Variants in SGK3 observed in about 807,000 individuals in gnomAD.
SGK3 encodes serum/glucocorticoid regulated kinase family member 3, also known as serine/threonine-protein kinase Sgk3.
In SGK3, 47 loss-of-function variants were observed where a neutral mutation model predicts 68.5. The ratio of observed to expected loss-of-function variants is 0.69; its 90% CI spans 0.54 to 0.87. The LOEUF (loss-of-function observed/expected upper bound fraction) is 0.87, where lower values mean the gene tolerates loss of function less well. Ranked by LOEUF, SGK3 falls within the 40% of genes least tolerant of loss-of-function variation. The pLI, the probability that SGK3 is intolerant of heterozygous loss-of-function variation, is 0.00. For synonymous variants in SGK3, 181 were observed against 189.1 expected, an observed-to-expected ratio of 0.96 and a Z score of 0.35; for missense variants, 479 against 575.5, an observed-to-expected ratio of 0.83 and a Z score of 1.72.
At position 66,793,832 on chromosome 8, in the gene SGK3, TGTAA is replaced by T. The variant is rs1263528793; in HGVS notation, c.96+4_96+7del. ...ACAGAGAGAAAAAGAAGAGGTTTACTGTAAGTATTTAACATAAAGCATGTGGGAA... is the reference window on the plus strand; with the variant it reads ...ACAGAGAGAAAAAGAAGAGGTTTACTGTATTTAACATAAAGCATGTGGGAA... On this transcript the variant is annotated splice_donor_variant and splice_donor_region_variant and intron_variant, in intron 2 of 16. Transcript: ENST00000521198. LOFTEE classifies it high-confidence loss of function. 6.2e-7 allele frequency: 1 copy of T among 1,611,182 alleles called. No homozygotes were observed. Among genetic ancestry groups the T allele is most frequent in the Admixed American group, 1.7e-5 (1 of 59,906 alleles).
intron 1 of SGK3, among the ~76,000 whole-genome samples, chr8:66,782,539 C>G (rs889754077): frequency 6.6e-6 from 1 of 152,160 alleles, no homozygotes; most frequent in Non-Finnish European, 1.5e-5. Context: ...GTTGTACATT[C>G]TGTGGGTTTG....
At chr8:66,778,051 C>T (rs1017865088) in intron 1 of SGK3, 1 of 152,330 alleles carries the variant, frequency 6.6e-6, no homozygotes, top group Non-Finnish European at 1.5e-5. Context: ...CAAACCCCCC[C>T]TCACATGCGG....
At chr8:66,730,844 AT>A (rs113173320) in intron 1 of SGK3, among the ~76,000 whole-genome samples, 20,038 of 143,782 alleles carry the variant, frequency 0.14, 2,426 homozygotes, top group African/African-American at 0.34. Flanking sequence ...AGCCTGGCTA[AT>A]TTTTTTTTTT....
intron 1 of SGK3, chr8:66,767,714 C>T: frequency 6.7e-7 from 1 of 1,496,232 alleles, no homozygotes; most frequent in Non-Finnish European, 9.3e-7. Flanking sequence ...TTTGCTTTAA[C>T]AGTCTTCTCA....
chr8:66,719,743 A>G (rs1029368798), intron 1 of SGK3, among the ~76,000 whole-genome samples: 1 of 152,220 alleles, frequency 6.6e-6, no homozygotes, highest in Non-Finnish European at 1.5e-5. Context: ...TTGCTGACAT[A>G]TATACCATTT....
intron 10 of SGK3, among the ~76,000 whole-genome samples, chr8:66,839,207 G>A (rs2130717945): frequency 6.6e-6 from 1 of 151,960 alleles, no homozygotes; most frequent in South Asian, 2.1e-4. Flanking sequence ...TAGAAGCCAA[G>A]GGACCCAGTG....
At chr8:66,754,541 G>A (rs571469864) in intron 1 of SGK3, among the ~76,000 whole-genome samples, 17 of 152,294 alleles carry the variant, frequency 1.1e-4, no homozygotes, top group Non-Finnish European at 2.5e-4. Flanking sequence ...TGGAATATCT[G>A]CATATACATG....
chr8:66,718,728 A>G (rs1006198525), intron 1 of SGK3, among the ~76,000 whole-genome samples: 2 of 151,964 alleles, frequency 1.3e-5, no homozygotes, highest in Non-Finnish European at 2.9e-5. Context: ...GGGTTTCTCC[A>G]GGTTGGTCAG....
chr8:66,839,495 G>T (rs1401288014), intron 10 of SGK3, among the ~76,000 whole-genome samples: 1 of 44,952 alleles, frequency 2.2e-5, no homozygotes, highest in South Asian at 8.4e-4. Context: ...TTATATGTAT[G>T]GAGATATATA....
chr8:66,752,746 C>T (rs1805855573), intron 1 of SGK3, among the ~76,000 whole-genome samples: 1 of 152,002 alleles, frequency 6.6e-6, no homozygotes, highest in Non-Finnish European at 1.5e-5. Context: ...GTAGGGGATG[C>T]TGAGGGAGAT....
intron 2 of SGK3, among the ~76,000 whole-genome samples, chr8:66,796,340 T>TTA (rs1341993730): frequency 7.1e-6 from 1 of 139,980 alleles, no homozygotes; most frequent in African/African-American, 2.6e-5. Flanking sequence ...TTTTTTTTTT[T>TTA]TTTTTTTTTT....
chr8:66,793,428 TG>T (rs1183453544), intron 1 of SGK3, among the ~76,000 whole-genome samples, 187 bp from the exon 2 acceptor site: 1 of 152,186 alleles, frequency 6.6e-6, no homozygotes, highest in Non-Finnish European at 1.5e-5. Context: ...GAAAGGTAGA[TG>T]GGCTGCAGAT....
intron 5 of SGK3, among the ~76,000 whole-genome samples, chr8:66,821,353 A>C (rs910244857): frequency 6.6e-6 from 1 of 152,018 alleles, no homozygotes; most frequent in African/African-American, 2.4e-5. Context: ...ACTGTGTTAT[A>C]GTTTCTTGCT....
intron 1 of SGK3, among the ~76,000 whole-genome samples, chr8:66,745,569 C>T (rs1038824355): frequency 6.7e-6 from 1 of 150,048 alleles, no homozygotes; most frequent in African/African-American, 2.5e-5. Context: ...GAGAGACTGT[C>T]TCAAAAAACA....
intron 1 of SGK3, among the ~76,000 whole-genome samples, chr8:66,762,836 A>G (rs919317551): frequency 2.0e-5 from 3 of 152,214 alleles, no homozygotes; most frequent in South Asian, 4.1e-4. Flanking sequence ...TTGCATCCCT[A>G]TGATGTCATT....
chr8:66,745,762 A>G (rs910501569), intron 1 of SGK3, among the ~76,000 whole-genome samples: 5 of 152,196 alleles, frequency 3.3e-5, no homozygotes, highest in Admixed American at 6.5e-5. Context: ...ACCATGTGCC[A>G]GCAGGTTTGG....
chr8:66,851,579 T>C (rs1340633327), intron 16 of SGK3, among the ~76,000 whole-genome samples: 1 of 151,890 alleles, frequency 6.6e-6, no homozygotes. Flanking sequence ...AAAATCATAT[T>C]AATGTAAATT....
intron 6 of SGK3, among the ~76,000 whole-genome samples, chr8:66,824,767 T>C (rs1808983520): frequency 1.3e-5 from 2 of 152,206 alleles, no homozygotes; most frequent in Non-Finnish European, 2.9e-5. Context: ...CAAGATCAGA[T>C]GTTAAGCTTT....
At chr8:66,749,278 C>T (rs1357502001) in intron 1 of SGK3, among the ~76,000 whole-genome samples, 1 of 152,044 alleles carries the variant, frequency 6.6e-6, no homozygotes, top group Non-Finnish European at 1.5e-5. Flanking sequence ...CTTTGGGAGG[C>T]CGAGGCGGGC....
Sources: allele counts gnomAD v4.1 joint callset (sites outside exome capture counted in the v4.1 genomes callset), GRCh38; gene constraint gnomAD v4.1.1; transcripts MANE v1.5; gene names NCBI Gene and HGNC (gene_info 2026-07-23, HGNC 2026-07-21).